Variants in UGT1A10 observed in about 807,000 individuals in gnomAD.
UGT1A10 encodes the protein UDP-glucuronosyltransferase 1A10.
UGT1A10 carries 49 observed loss-of-function variants against 45.8 expected under a neutral mutation model. The observed-to-expected ratio is 1.07, with a 90% CI of 0.85 to 1.36. The LOEUF is 1.36. Ranked by LOEUF, UGT1A10 falls within the 40% of genes most tolerant of loss-of-function variation. The pLI is 0.00. For missense variants in UGT1A10, 745 were observed against 668.6 expected, an observed-to-expected ratio of 1.11 and a Z score of -1.26; for synonymous variants, 284 against 249.7, an observed-to-expected ratio of 1.14 and a Z score of -1.29.
rs1367170822 is a variant in UGT1A10 at position 233,772,461 on chromosome 2, GT to G, written c.1496del (p.Val499GlyfsTer43). The G allele has an allele frequency of 6.2e-7, 1 of 1,614,184 alleles. No individual in the cohort carries two copies. Among genetic ancestry groups the G allele is most frequent in the Non-Finnish European group, 8.5e-7 (1 of 1,180,040 alleles). On this transcript the variant is annotated frameshift_variant, in exon 5 of 5. Coordinates refer to ENST00000344644, the MANE Select transcript of UGT1A10 (RefSeq NM_019075.4). LOFTEE classifies it high-confidence loss of function. The stretch of plus-strand genomic sequence containing the variant: ...TTTCCTCTTGGCCGTCGTGCTGACA[GT>G]GGCCTTCATCACCTTTAAATGTTGT... ...IGFLLAVVLT[V>X]AFITFKCCAY...
intron 1 of UGT1A10, chr2:233,689,984 A>C: frequency 2.2e-6 from 1 of 453,360 alleles, no homozygotes; most frequent in South Asian, 1.6e-5. Context: ...AGGCCCCTAA[A>C]AGGGATTCTC....
intron 4 of UGT1A10, 143 bp downstream of exon 4, chr2:233,768,582 CTTTTTT>C (rs139595073): frequency 4.6e-4 from 479 of 1,031,596 alleles, no homozygotes; most frequent in East Asian, 1.4e-3. Context: ...TTTATTTCTT[CTTTTTT>C]TTTTTTTTTT....
intron 1 of UGT1A10, among the ~76,000 whole-genome samples, chr2:233,725,264 G>GGAGGCA (rs551912265): frequency 0.04 from 2,355 of 58,498 alleles, 627 homozygotes; most frequent in African/African-American, 0.084. Flanking sequence ...CAGAGGCAGA[G>GGAGGCA]GAGGCAGAGG....
At chr2:233,647,574 A>G (rs1413940750) in intron 1 of UGT1A10, among the ~76,000 whole-genome samples, 7 of 152,226 alleles carry the variant, frequency 4.6e-5, no homozygotes, top group Admixed American at 3.9e-4. Context: ...AAAGGTACAG[A>G]TTATGTCATT....
chr2:233,661,623 T>TTTTCTTTCTCTTTC (rs1553602619), intron 1 of UGT1A10, among the ~76,000 whole-genome samples: 1 of 124,046 alleles, frequency 8.1e-6, no homozygotes, highest in Admixed American at 8.3e-5. Flanking sequence ...ACTTACTGAA[T>TTTTCTTTCTCTTTC]TTTCTTTCTT....
At chr2:233,748,105 C>T in intron 1 of UGT1A10, 1 of 1,612,580 alleles carries the variant, frequency 6.2e-7, no homozygotes, top group Non-Finnish European at 8.5e-7. Flanking sequence ...TTCATCCAAT[C>T]AATGTTCCAG....
chr2:233,767,203 C>T, intron 2 of UGT1A10, 38 bp downstream of exon 2: 1 of 1,613,332 alleles, frequency 6.2e-7, no homozygotes, highest in African/African-American at 1.3e-5. Flanking sequence ...TATCTATTTT[C>T]ACAGGAGCGC....
rs769053574 is a variant in UGT1A10 at position 233,713,820 on chromosome 2, G to T, written c.856-53214G>T. The stretch of plus-strand genomic sequence containing the variant: ...GATCATGCCCAACATGGTCTTCATT[G>T]GGGGCATCAACTGTGCCAACGGGAA... On this transcript the variant is annotated intron_variant, in intron 1 of 4. Coordinates refer to ENST00000344644, the MANE Select transcript of UGT1A10 (RefSeq NM_019075.4). The T allele has an allele frequency of 1.1e-5, 17 of 1,614,012 alleles. No individual in the cohort carries two copies. In the South Asian group the frequency reaches 1.9e-4, roughly 18 times the overall value.
chr2:233,648,065 C>G, intron 1 of UGT1A10: 1 of 1,567,620 alleles, frequency 6.4e-7, no homozygotes, highest in South Asian at 1.2e-5. Context: ...GTGAAGACTT[C>G]TTCAACCTTA....
intron 1 of UGT1A10, among the ~76,000 whole-genome samples, chr2:233,763,508 A>G (rs1374305000): frequency 6.6e-6 from 1 of 152,166 alleles, no homozygotes; most frequent in Non-Finnish European, 1.5e-5. Context: ...CTTTATGTTT[A>G]GTTGACTTTG....
intron 1 of UGT1A10, chr2:233,756,054 A>G (rs530980162): frequency 6.6e-6 from 1 of 152,352 alleles, no homozygotes; most frequent in East Asian, 1.9e-4. Flanking sequence ...ACTCCACTGT[A>G]CACTTGTGGG....
At chr2:233,765,135 A>G (rs1248346894) in intron 1 of UGT1A10, among the ~76,000 whole-genome samples, 1 of 152,126 alleles carries the variant, frequency 6.6e-6, no homozygotes, top group Non-Finnish European at 1.5e-5. Flanking sequence ...TTAGCACTGA[A>G]CATCACATGT....
At chr2:233,747,177 T>A in intron 1 of UGT1A10, 1 of 1,600,690 alleles carries the variant, frequency 6.2e-7, no homozygotes, top group Non-Finnish European at 8.5e-7. Context: ...AGGCACAGCG[T>A]GGGGTGGACA....
chr2:233,649,061 T>C (rs1319553218), intron 1 of UGT1A10: 2 of 942,020 alleles, frequency 2.1e-6, no homozygotes, highest in African/African-American at 3.4e-5. Flanking sequence ...TTAAAAGTAT[T>C]CTGGATTTGA....
intron 1 of UGT1A10, among the ~76,000 whole-genome samples, chr2:233,658,110 C>T (rs1013678748): frequency 1.3e-5 from 2 of 151,392 alleles, no homozygotes; most frequent in African/African-American, 4.9e-5. Flanking sequence ...CCTCTGCCTC[C>T]TGGGTTCAAA....
intron 1 of UGT1A10, among the ~76,000 whole-genome samples, chr2:233,740,219 C>T (rs1379344559): frequency 6.6e-6 from 1 of 151,748 alleles, no homozygotes; most frequent in African/African-American, 2.4e-5. Context: ...GTCTCAGCTG[C>T]GTCTTTATAG....
intron 1 of UGT1A10, among the ~76,000 whole-genome samples, chr2:233,688,625 C>T (rs1295939940): frequency 2.6e-5 from 4 of 152,032 alleles, no homozygotes; most frequent in Non-Finnish European, 5.9e-5. Flanking sequence ...AACATGAGTT[C>T]GTCTTGTTTT....
At chr2:233,644,322 C>T (rs183551292) in intron 1 of UGT1A10, among the ~76,000 whole-genome samples, 1 of 152,158 alleles carries the variant, frequency 6.6e-6, no homozygotes, top group Non-Finnish European at 1.5e-5. Context: ...AATCCCAGCA[C>T]TTAGGGAGGC....
At chr2:233,736,828 G>T (rs2078816893) in intron 1 of UGT1A10, among the ~76,000 whole-genome samples, 1 of 152,192 alleles carries the variant, frequency 6.6e-6, no homozygotes, top group Admixed American at 6.5e-5. Flanking sequence ...GATGCTCTTT[G>T]CTTTGGTATC....
Sources: gnomAD v4.1 joint callset for allele counts (sites outside exome capture counted in the v4.1 genomes callset) on GRCh38, gnomAD v4.1.1 for gene constraint, MANE v1.5 for transcripts, NCBI Gene and HGNC (gene_info 2026-07-23, HGNC 2026-07-21) for gene names.